The following RBM11 variants were observed in gnomAD, a reference collection of about 807,000 sequenced individuals.
RBM11 encodes the protein splicing regulator RBM11.
RBM11 carries 18 observed loss-of-function variants against 21.4 expected under a neutral mutation model. The observed-to-expected ratio is 0.84, with a 90% confidence interval of 0.58 to 1.25. RBM11 has a LOEUF of 1.25. Among genes scored for constraint, RBM11 ranks in the 50% most tolerant of loss-of-function variants. The probability of loss-of-function intolerance (pLI) is 0.00; values close to 1 mark genes in which losing one functional copy is unlikely to be tolerated. For missense variants in RBM11, 294 were observed against 331.9 expected, an observed-to-expected ratio of 0.89 and a Z score of 0.89; for synonymous variants, 120 against 116.3, an observed-to-expected ratio of 1.03 and a Z score of -0.20.
chr21:14,221,219 G>T, intron 3 of RBM11, 50 bp downstream of exon 3: 1 of 1,491,352 alleles, frequency 6.7e-7, no homozygotes, highest in Non-Finnish European at 8.9e-7. Context: ...ATATTTTTAT[G>T]CCAAGAGGAG....
At chr21:14,219,839 C>G (rs748353786) in intron 2 of RBM11, 114 bp downstream of exon 2, 26 of 793,418 alleles carry the variant, frequency 3.3e-5, no homozygotes, top group Non-Finnish European at 4.3e-5. Context: ...AAAGTACCTT[C>G]TACCTTCTGG....
intron 1 of RBM11, among the ~76,000 whole-genome samples, chr21:14,217,862 C>G (rs182349912): frequency 6.6e-6 from 1 of 152,204 alleles, no homozygotes; most frequent in African/African-American, 2.4e-5. Flanking sequence ...ATCCAATAAC[C>G]ATTATTTTTA....
At chr21:14,219,522 T>C in intron 1 of RBM11, 41 bp from the exon 2 acceptor site, 1 of 1,383,860 alleles carries the variant, frequency 7.2e-7, no homozygotes, top group East Asian at 2.6e-5. Context: ...ATAAAAAAAA[T>C]CTTTGGATTT....
chr21:14,222,516 A>C (rs939891742), intron 3 of RBM11, among the ~76,000 whole-genome samples: 10 of 152,252 alleles, frequency 6.6e-5, no homozygotes, highest in African/African-American at 2.2e-4. Flanking sequence ...CGGGACTGTC[A>C]AATAGCCAGG....
intron 2 of RBM11, 93 bp from the exon 3 acceptor site, chr21:14,221,004 G>A (rs373422584): frequency 3.2e-5 from 41 of 1,277,600 alleles, no homozygotes; most frequent in African/African-American, 2.1e-4. Flanking sequence ...TCACTACTAC[G>A]TCCTAAAATA....
At position 14,224,538 on chromosome 21, in the gene RBM11, G is replaced by A; in HGVS notation, c.432+1G>A. 5.8e-6 allele frequency: 9 copies of A among 1,546,714 alleles called. No homozygotes were observed. The highest frequency in any genetic ancestry group is 7.9e-6 in the Non-Finnish European group (9 of 1,145,994). On this transcript the variant is annotated splice_donor_variant, in intron 4 of 4. Transcript: ENST00000400577. LOFTEE classifies it high-confidence loss of function. ...AGAATATTTTCTCTTTCAGAAGATG[G>A]TAAGTTTAATATGCATTTTATTTAG...
intron 4 of RBM11, among the ~76,000 whole-genome samples, chr21:14,225,350 A>G (rs1436637909): frequency 6.6e-6 from 1 of 152,210 alleles, no homozygotes; most frequent in African/African-American, 2.4e-5. Context: ...CGAGTAAACT[A>G]AATTATTTCC....
At chr21:14,223,526 A>G (rs1418399122) in intron 3 of RBM11, among the ~76,000 whole-genome samples, 1 of 152,216 alleles carries the variant, frequency 6.6e-6, no homozygotes, top group African/African-American at 2.4e-5. Context: ...GCTATCAGAA[A>G]TAATCTGTTT....
At chr21:14,226,775 A>G in intron 4 of RBM11, 105 bp from the exon 5 acceptor site, 2 of 1,458,180 alleles carry the variant, frequency 1.4e-6, no homozygotes, top group Non-Finnish European at 1.8e-6. Context: ...ATACCAAAAC[A>G]CAGTTTAGTT....
At chr21:14,223,986 AC>A (rs1469800854) in intron 3 of RBM11, among the ~76,000 whole-genome samples, 1 of 152,116 alleles carries the variant, frequency 6.6e-6, no homozygotes, top group African/African-American at 2.4e-5. Context: ...AGCCTGAAGA[AC>A]CATGAGCCGA....
chr21:14,222,598 T>C (rs1418556366), intron 3 of RBM11, among the ~76,000 whole-genome samples: 1 of 152,206 alleles, frequency 6.6e-6, no homozygotes, highest in Non-Finnish European at 1.5e-5. Flanking sequence ...CCAACATTTC[T>C]ACATCAGTGA....
chr21:14,219,615 A>G lies in RBM11; in HGVS notation c.149A>G (p.Lys50Arg). 6.3e-7 allele frequency: 1 copy of G among 1,597,776 alleles called. No individual in the cohort carries two copies. The highest frequency in any genetic ancestry group is 1.1e-5 in the South Asian group (1 of 89,020). ...TICKDREGKP[K>R]SFGFVCFKHP... ...TGCAAAGACAGAGAAGGAAAGCCAA[A>G]GTCTTTTGGATTTGTCTGCTTTAAA... Residue 50 changes from lysine (K) to arginine (R), a missense_variant, in exon 2 of 5, where the codon AAG becomes AGG. By Grantham distance (26) the Lys-to-Arg change is conservative. Around this residue, in one of 2 missense-constraint regions of RBM11, gnomAD observed 181 missense variants for 164.6 expected, o/e 1.10. Coordinates refer to ENST00000400577, the MANE Select transcript of RBM11 (RefSeq NM_144770.5).
In RBM11 at chr21:14,216,288, G is replaced by A; in HGVS notation, c.96+6G>A. On this transcript the variant is annotated splice_donor_region_variant and intron_variant, in intron 1 of 4. Transcript: ENST00000400577. The stretch of plus-strand genomic sequence containing the variant: ...TGTACGAGCTGTTCCTTCAGGTACC[G>A]TCTCTGGGAAGGGGCGGCGGAGGGG... The A allele has an allele frequency of 1.9e-6, 3 of 1,612,354 alleles. No individual in the cohort carries two copies. The highest frequency in any genetic ancestry group is 2.5e-6 in the Non-Finnish European group (3 of 1,179,054).
intron 3 of RBM11, among the ~76,000 whole-genome samples, chr21:14,222,172 G>C (rs1431626434): frequency 6.6e-6 from 1 of 151,792 alleles, no homozygotes; most frequent in Non-Finnish European, 1.5e-5. Context: ...TGATAGAATA[G>C]GTCAGGGTAT....
chr21:14,217,236 G>A (rs952708759), intron 1 of RBM11, among the ~76,000 whole-genome samples: 4 of 152,080 alleles, frequency 2.6e-5, no homozygotes, highest in African/African-American at 9.7e-5. Flanking sequence ...TGTGGCTATC[G>A]GAATATGTGG....
intron 1 of RBM11, among the ~76,000 whole-genome samples, chr21:14,218,366 T>G (rs534901132): frequency 6.6e-6 from 1 of 152,254 alleles, no homozygotes; most frequent in East Asian, 1.9e-4. Context: ...TACTTGGAAA[T>G]GAGAAAATCA....
chr21:14,220,539 T>C (rs1249467935), intron 2 of RBM11, among the ~76,000 whole-genome samples: 1 of 152,176 alleles, frequency 6.6e-6, no homozygotes, highest in Admixed American at 6.5e-5. Context: ...TCTCTTTGCA[T>C]TTCTTTTTTT....
At position 14,227,062 on chromosome 21, in the gene RBM11, A is replaced by T; in HGVS notation, c.615A>T (p.Pro205=). 1 of 1,613,818 alleles carries T rather than the reference A, an allele frequency of 6.2e-7. No individual in the cohort carries two copies. The highest frequency in any genetic ancestry group is 8.5e-7 in the Non-Finnish European group (1 of 1,179,850). ...CTGACCTTTATCAGATGACAGCTCC[A>T]CTTCCTAATAGTGCATCCGTGTCTT... is the stretch of plus-strand genomic sequence containing the variant. The part of the protein sequence containing the change: ...SDSDLYQMTA[P]LPNSASVSSS... Residue 205 remains proline (P), a synonymous_variant, in exon 5 of 5, where the codon CCA becomes CCT. Coordinates refer to ENST00000400577, the MANE Select transcript of RBM11 (RefSeq NM_144770.5).
intron 3 of RBM11, among the ~76,000 whole-genome samples, chr21:14,223,405 A>G (rs385758): frequency 0.23 from 34,549 of 152,080 alleles, 4,122 homozygotes; most frequent in African/African-American, 0.31. Flanking sequence ...TAGGGCTGCT[A>G]TAACAAAGTA....
Sources: gnomAD v4.1 joint callset for allele counts (sites outside exome capture counted in the v4.1 genomes callset) on GRCh38, gnomAD v4.1.1 for gene constraint, gnomAD v4.1.1 regional missense constraint, MANE v1.5 for transcripts, NCBI Gene and HGNC (gene_info 2026-07-23, HGNC 2026-07-21) for gene names.